Variants in CSMD1 observed in about 807,000 individuals in gnomAD.
The protein encoded by CSMD1 is CUB and Sushi multiple domains 1, also known as CUB and sushi domain-containing protein 1.
A neutral mutation model predicts 417.5 loss-of-function variants in CSMD1; 213 were observed. The ratio of observed to expected loss-of-function variants is 0.51; its 90% CI spans 0.46 to 0.57. The LOEUF is 0.57. CSMD1 is among the 20% of genes least tolerant of loss of function. The pLI, the probability that CSMD1 is intolerant of heterozygous loss-of-function variation, is 0.00. For missense variants in CSMD1, 6,923 were observed against 4,529.7 expected (o/e 1.53, Z -15.17); for synonymous variants, 2,862 against 1,736.8 (o/e 1.65, Z -16.11).
At chr8:4,234,455 C>G (rs996187826) in intron 3 of CSMD1, among the ~76,000 whole-genome samples, 2 of 152,122 alleles carry the variant, frequency 1.3e-5, no homozygotes, top group Non-Finnish European at 2.9e-5. Context: ...ACGTCCATTT[C>G]TCTGTGTGGC....
intron 12 of CSMD1, among the ~76,000 whole-genome samples, chr8:3,452,646 C>T (rs1815817297): frequency 6.6e-6 from 1 of 152,156 alleles, no homozygotes; most frequent in Admixed American, 6.5e-5. Flanking sequence ...TTGAATCAGC[C>T]TTGCATCCCA....
intron 3 of CSMD1, among the ~76,000 whole-genome samples, chr8:4,061,414 C>T (rs1441876845): frequency 6.6e-6 from 1 of 152,202 alleles, no homozygotes. Flanking sequence ...AGCTTCCTAG[C>T]ACTCTTCCAA....
chr8:3,660,413 T>C (rs893396227), intron 7 of CSMD1, among the ~76,000 whole-genome samples: 2 of 151,782 alleles, frequency 1.3e-5, no homozygotes, highest in Non-Finnish European at 2.9e-5. Flanking sequence ...TTTCTTATTG[T>C]TGTTTGATCA....
At position 3,359,273 on chromosome 8, in the gene CSMD1, A is replaced by C. The variant is rs1345972642; in HGVS notation, c.3183T>G (p.Phe1061Leu). The C allele has an allele frequency of 1.9e-6, 3 of 1,613,826 alleles. No homozygotes were observed. The African/African-American group carries it at 4.0e-5, about 22-fold the overall frequency. The change falls in exon 21 of 70, where the codon TTT becomes TTG. Residue 1061 changes from phenylalanine to leucine, a missense_variant. Physicochemically the swap from Phe to Leu is conservative, Grantham distance 22. Transcript: ENST00000635120. ...AAAACGTCAGAGAGTCTCCCACACCAAAGTGAAAACCAATTCTTCGGCTGA... is the reference window on the plus strand; with the variant it reads ...AAAACGTCAGAGAGTCTCCCACACCCAAGTGAAAACCAATTCTTCGGCTGA... Reference protein sequence around the residue: ...PAFSRRIGFHFGVGDSLTFSC... With the variant: ...PAFSRRIGFHLGVGDSLTFSC...
Position 3,199,777 on chromosome 8 carries a change from T to C in CSMD1, c.5131A>G (p.Ile1711Val), listed in dbSNP as rs1465574743. The change falls in exon 33 of 70, where the codon ATT becomes GTT. Residue 1711 changes from isoleucine to valine, a missense_variant. Coordinates refer to ENST00000635120, the MANE Select transcript of CSMD1 (RefSeq NM_033225.6). ...ETLPLATSNQ[I>V]LLRFSAKSGA... ...CTCTTTGCACTGAATCGGAGCAGAA[T>C]TTGATTTGACGTAGCCAAGGGCAAT... 2 of 1,582,904 alleles carry C rather than the reference T, an allele frequency of 1.3e-6. No individual in the cohort carries two copies. Among genetic ancestry groups the C allele is most frequent in the Admixed American group, 3.6e-5 (2 of 55,376 alleles).
At chr8:3,964,428 C>G (rs912658534) in intron 5 of CSMD1, among the ~76,000 whole-genome samples, 2 of 152,034 alleles carry the variant, frequency 1.3e-5, no homozygotes, top group East Asian at 1.9e-4. Context: ...TGACTGAGGC[C>G]TTAATCAGCC....
chr8:4,535,861 C>T (rs1797077292), intron 2 of CSMD1, among the ~76,000 whole-genome samples: 1 of 152,154 alleles, frequency 6.6e-6, no homozygotes, highest in South Asian at 2.1e-4. Context: ...CCAATTCAAA[C>T]TTAGGGTTAC....
chr8:4,614,087 G>T (rs910072811), intron 2 of CSMD1, among the ~76,000 whole-genome samples: 1 of 152,058 alleles, frequency 6.6e-6, no homozygotes. Context: ...CAGTTTACTG[G>T]CAAGCCAATG....
chr8:4,945,326 G>C (rs1291996933), intron 1 of CSMD1, among the ~76,000 whole-genome samples: 1 of 152,076 alleles, frequency 6.6e-6, no homozygotes, highest in African/African-American at 2.4e-5. Context: ...TGGATGATGT[G>C]GTTGATTGCA....
At chr8:4,314,756 G>A (rs1301073731) in intron 3 of CSMD1, among the ~76,000 whole-genome samples, 2 of 152,126 alleles carry the variant, frequency 1.3e-5, no homozygotes, top group African/African-American at 2.4e-5. Flanking sequence ...TCTGACCCAT[G>A]TCTTCTAATG....
intron 5 of CSMD1, among the ~76,000 whole-genome samples, chr8:3,898,866 T>A (rs1052147256): frequency 6.6e-6 from 1 of 152,170 alleles, no homozygotes; most frequent in African/African-American, 2.4e-5. Flanking sequence ...ATAGCCCCAA[T>A]ACTCTGTTGG....
intron 3 of CSMD1, among the ~76,000 whole-genome samples, chr8:4,065,343 G>A (rs948783999): frequency 3.3e-5 from 5 of 152,180 alleles, no homozygotes; most frequent in Admixed American, 2.0e-4. Context: ...TAAGGCTGGT[G>A]TTCACCAAAG....
At chr8:4,503,969 CAAA>C (rs200846437) in intron 2 of CSMD1, among the ~76,000 whole-genome samples, 1 of 85,780 alleles carries the variant, frequency 1.2e-5, no homozygotes, top group African/African-American at 4.5e-5. Flanking sequence ...CTTGCATATT[CAAA>C]AAAAAAAAAA....
At chr8:3,565,615 T>G (rs13259112) in intron 10 of CSMD1, among the ~76,000 whole-genome samples, 60,436 of 151,992 alleles carry the variant, frequency 0.4, 12,277 homozygotes, top group Middle Eastern at 0.49. Context: ...TTCAAGTTCT[T>G]TAAAAAAACC....
chr8:3,668,169 C>T (rs1585044856), intron 7 of CSMD1, among the ~76,000 whole-genome samples: 1 of 152,108 alleles, frequency 6.6e-6, no homozygotes, highest in Admixed American at 6.6e-5. Flanking sequence ...TGCAGAGGGG[C>T]TGACCTCTGA....
At chr8:4,130,122 T>C (rs950649505) in intron 3 of CSMD1, among the ~76,000 whole-genome samples, 4 of 152,272 alleles carry the variant, frequency 2.6e-5, no homozygotes, top group Admixed American at 2.6e-4. Context: ...ATGGAGTCAC[T>C]GTCAGTAAAT....
intron 1 of CSMD1, among the ~76,000 whole-genome samples, chr8:4,800,856 C>T (rs1409197283): frequency 1.3e-5 from 2 of 152,202 alleles, no homozygotes; most frequent in African/African-American, 2.4e-5. Flanking sequence ...CCTGAAACCT[C>T]AACTTTAATT....
intron 3 of CSMD1, among the ~76,000 whole-genome samples, chr8:4,051,063 T>C (rs73496785): frequency 0.015 from 2,306 of 152,122 alleles, 49 homozygotes; most frequent in East Asian, 0.088. Flanking sequence ...TCTGGCTTTG[T>C]TTTGAAGCGC....
At chr8:4,062,308 G>A (rs894504382) in intron 3 of CSMD1, among the ~76,000 whole-genome samples, 8 of 152,056 alleles carry the variant, frequency 5.3e-5, no homozygotes, top group African/African-American at 1.9e-4. Flanking sequence ...GTCAACTGGG[G>A]ACTTCTAAAT....
Sources: allele counts gnomAD v4.1 joint callset (sites outside exome capture counted in the v4.1 genomes callset), GRCh38; gene constraint gnomAD v4.1.1; transcripts MANE v1.5; gene names NCBI Gene and HGNC (gene_info 2026-07-23, HGNC 2026-07-21).